The following CTNNA3 variants were observed in gnomAD, a reference collection of about 807,000 sequenced individuals.
The protein encoded by CTNNA3 is catenin alpha-3.
CTNNA3 carries 76 observed loss-of-function variants against 95.7 expected under a neutral mutation model. That is an observed-to-expected ratio of 0.79 (90% CI 0.66 to 0.96). CTNNA3 has a LOEUF of 0.96. CTNNA3 is among the 40% of genes least tolerant of loss of function. CTNNA3 has a pLI of 0.00. For synonymous variants in CTNNA3, 431 were observed against 374.4 expected, an observed-to-expected ratio of 1.15 and a Z score of -1.74; for missense variants, 1,191 against 1,089.8, an observed-to-expected ratio of 1.09 and a Z score of -1.31.
intron 13 of CTNNA3, among the ~76,000 whole-genome samples, chr10:66,238,681 A>AAT (rs57015862): frequency 6.0e-5 from 9 of 150,710 alleles, no homozygotes; most frequent in South Asian, 2.1e-4. Context: ...TAAATGTCCA[A>AAT]ATATATATAT....
At chr10:67,526,365 T>G (rs1039384670) in intron 4 of CTNNA3, among the ~76,000 whole-genome samples, 1 of 151,808 alleles carries the variant, frequency 6.6e-6, no homozygotes, top group Non-Finnish European at 1.5e-5. Flanking sequence ...TTTTTTTTTT[T>G]TTTGCTGTAA....
At chr10:66,638,711 A>G (rs1041325162) in intron 9 of CTNNA3, among the ~76,000 whole-genome samples, 1 of 152,028 alleles carries the variant, frequency 6.6e-6, no homozygotes, top group Admixed American at 6.6e-5. Flanking sequence ...CACAGCTGGT[A>G]CTTTCTGGTA....
At chr10:67,451,597 G>T (rs1278761435) in intron 5 of CTNNA3, among the ~76,000 whole-genome samples, 1 of 152,168 alleles carries the variant, frequency 6.6e-6, no homozygotes, top group Non-Finnish European at 1.5e-5. Context: ...TCTTATCCTA[G>T]ATTCTGCTTC....
At chr10:66,540,034 C>A (rs1358663420) in intron 10 of CTNNA3, among the ~76,000 whole-genome samples, 1 of 151,994 alleles carries the variant, frequency 6.6e-6, no homozygotes, top group Non-Finnish European at 1.5e-5. Flanking sequence ...GAAAGCTGAC[C>A]TTCTTTTGTT....
At chr10:66,739,481 G>A (rs1010251273) in intron 9 of CTNNA3, among the ~76,000 whole-genome samples, 3 of 152,158 alleles carry the variant, frequency 2.0e-5, no homozygotes, top group African/African-American at 7.2e-5. Flanking sequence ...TATCCCACGA[G>A]CATGTAAGGA....
intron 5 of CTNNA3, among the ~76,000 whole-genome samples, chr10:67,365,451 G>A (rs1357620568): frequency 6.6e-6 from 1 of 152,034 alleles, no homozygotes; most frequent in Non-Finnish European, 1.5e-5. Context: ...CCACATAAAG[G>A]GAGAAACATT....
intron 10 of CTNNA3, among the ~76,000 whole-genome samples, chr10:66,546,037 A>G (rs944959251): frequency 1.3e-5 from 2 of 151,558 alleles, no homozygotes; most frequent in African/African-American, 2.4e-5. Flanking sequence ...TTTCCATGTG[A>G]AGGCTTATAC....
intron 5 of CTNNA3, among the ~76,000 whole-genome samples, chr10:67,360,140 T>C (rs1191614888): frequency 1.3e-5 from 2 of 152,004 alleles, no homozygotes; most frequent in African/African-American, 4.8e-5. Context: ...AAATCTTTTC[T>C]GGACAAGCAA....
At chr10:66,861,262 G>C (rs956663888) in intron 7 of CTNNA3, among the ~76,000 whole-genome samples, 6 of 152,176 alleles carry the variant, frequency 3.9e-5, no homozygotes, top group Non-Finnish European at 8.8e-5. Context: ...ACATTGTTTT[G>C]TTACAACATT....
Position 66,096,352 on chromosome 10 carries a change from G to A in CTNNA3, c.1977+6805C>T, listed in dbSNP as rs565957138. 2.1e-4 allele frequency among the ~76,000 whole-genome samples: 32 copies of A among 152,146 alleles called. No individual in the cohort carries two copies. In the South Asian group the frequency reaches 4.8e-3, roughly 23 times the overall value. The stretch of plus-strand genomic sequence containing the variant: ...TGACTGTAGAATATGTTCTTCTTGG[G>A]CAGGGGCAAAGAAAGAAGAGGTAAT... On this transcript the variant is annotated intron_variant, in intron 14 of 17. Transcript: ENST00000433211.
intron 5 of CTNNA3, among the ~76,000 whole-genome samples, chr10:67,355,764 T>C (rs555566973): frequency 6.6e-6 from 1 of 152,216 alleles, no homozygotes; most frequent in East Asian, 1.9e-4. Flanking sequence ...TCAAACCGTT[T>C]AAAAATGTTG....
Position 67,246,619 on chromosome 10 carries a change from C to T in CTNNA3, c.580-26749G>A, listed in dbSNP as rs144219368. Among the ~76,000 whole-genome samples, 36 of 152,206 alleles carry T rather than the reference C, an allele frequency of 2.4e-4. 1 individual carries two copies. Among genetic ancestry groups the T allele is most frequent in the African/African-American group, 8.4e-4 (35 of 41,546 alleles). On this transcript the variant is annotated intron_variant, in intron 5 of 17. Transcript: ENST00000433211. Reference sequence around the variant, plus strand: ...AGGCTACCTTTGCTACTAAACATCACGGAATATCTTATAAATTTACAGCAA... The same window carrying T: ...AGGCTACCTTTGCTACTAAACATCATGGAATATCTTATAAATTTACAGCAA...
At chr10:67,033,852 C>A (rs1415941403) in intron 7 of CTNNA3, among the ~76,000 whole-genome samples, 1 of 152,066 alleles carries the variant, frequency 6.6e-6, no homozygotes, top group Non-Finnish European at 1.5e-5. Context: ...CTCACCGCAA[C>A]CTCTGCCTCC....
intron 5 of CTNNA3, among the ~76,000 whole-genome samples, chr10:67,378,404 G>A (rs529632948): frequency 2.0e-5 from 3 of 152,148 alleles, no homozygotes; most frequent in South Asian, 4.2e-4. Flanking sequence ...ACTAAGAAAC[G>A]AATATTTGTG....
intron 7 of CTNNA3, among the ~76,000 whole-genome samples, chr10:67,113,368 G>A (rs1466108945): frequency 6.6e-6 from 1 of 151,628 alleles, no homozygotes; most frequent in Non-Finnish European, 1.5e-5. Context: ...TCCTTTATTT[G>A]CAATTTACAT....
chr10:65,975,180 A>G (rs2078187206), intron 16 of CTNNA3, among the ~76,000 whole-genome samples: 1 of 152,302 alleles, frequency 6.6e-6, no homozygotes, highest in East Asian at 1.9e-4. Flanking sequence ...CTGCAGAAAT[A>G]CTATCAATCT....
chr10:66,944,733 A>G (rs1848194597), intron 7 of CTNNA3, among the ~76,000 whole-genome samples: 1 of 152,132 alleles, frequency 6.6e-6, no homozygotes, highest in African/African-American at 2.4e-5. Context: ...CTTAAATAAT[A>G]CTCTTTGAAA....
intron 2 of CTNNA3, among the ~76,000 whole-genome samples, chr10:67,630,683 C>T (rs74142862): frequency 8.7e-4 from 133 of 152,198 alleles, no homozygotes; most frequent in African/African-American, 3.0e-3. Flanking sequence ...AGAGGTCCTA[C>T]AATACTTAGA....
At chr10:66,321,282 T>C (rs2092181441) in intron 12 of CTNNA3, among the ~76,000 whole-genome samples, 2 of 152,122 alleles carry the variant, frequency 1.3e-5, no homozygotes, top group African/African-American at 4.8e-5. Flanking sequence ...GGAAAAGTCA[T>C]GTTTCCATTG....
Sources: allele counts gnomAD v4.1 joint callset (sites outside exome capture counted in the v4.1 genomes callset), GRCh38; gene constraint gnomAD v4.1.1; transcripts MANE v1.5; gene names NCBI Gene and HGNC (gene_info 2026-07-23, HGNC 2026-07-21).